The following CNTN5 variants were observed in gnomAD, a reference collection of about 807,000 sequenced individuals.
The protein encoded by CNTN5 is contactin-5.
CNTN5 carries 77 observed loss-of-function variants against 129.1 expected under a neutral mutation model. The ratio of observed to expected loss-of-function variants is 0.60; its 90% confidence interval spans 0.50 to 0.72. The LOEUF (loss-of-function observed/expected upper bound fraction) is 0.72. Ranked by LOEUF, CNTN5 falls within the 30% of genes least tolerant of loss-of-function variation. The pLI is 0.00. For synonymous variants in CNTN5, 509 were observed against 465.6 expected (o/e 1.09, Z -1.20); for missense variants, 1,478 against 1,328.8 (o/e 1.11, Z -1.75).
chr11:99,238,854 T>C (rs1861407382), intron 1 of CNTN5, among the ~76,000 whole-genome samples: 1 of 152,208 alleles, frequency 6.6e-6, no homozygotes, highest in Admixed American at 6.5e-5. Flanking sequence ...TAAATAAAAA[T>C]TCATAGATGC....
chr11:99,934,964 G>T (rs1950282200), intron 7 of CNTN5, among the ~76,000 whole-genome samples: 1 of 132,262 alleles, frequency 7.6e-6, no homozygotes, highest in South Asian at 2.5e-4. Flanking sequence ...ACATATATAT[G>T]GTGATTAGTC....
intron 1 of CNTN5, among the ~76,000 whole-genome samples, chr11:99,217,376 G>A (rs1315180430): frequency 1.3e-5 from 2 of 152,120 alleles, no homozygotes; most frequent in South Asian, 2.1e-4. Context: ...AAACAATAAT[G>A]AGATATCATC....
At chr11:99,717,873 A>G (rs978300808) in intron 3 of CNTN5, among the ~76,000 whole-genome samples, 14 of 152,150 alleles carry the variant, frequency 9.2e-5, no homozygotes, top group African/African-American at 3.4e-4. Context: ...CTTATTATTC[A>G]AAGAAGATTA....
At chr11:99,517,436 T>C (rs79023052) in intron 2 of CNTN5, among the ~76,000 whole-genome samples, 1 of 151,994 alleles carries the variant, frequency 6.6e-6, no homozygotes, top group African/African-American at 2.4e-5. Flanking sequence ...TTTCATAGGA[T>C]GTACTCCGAA....
intron 20 of CNTN5, among the ~76,000 whole-genome samples, chr11:100,307,185 C>T (rs1223499605): frequency 6.6e-6 from 1 of 151,344 alleles, no homozygotes; most frequent in African/African-American, 2.4e-5. Flanking sequence ...CAATGTTCGC[C>T]TCTTAACATT....
chr11:99,153,818 T>TC (rs569412251), intron 1 of CNTN5, among the ~76,000 whole-genome samples: 2 of 88,048 alleles, frequency 2.3e-5, no homozygotes, highest in African/African-American at 6.5e-5. Context: ...TGAATGGCTT[T>TC]TTTTTTTTTT....
intron 3 of CNTN5, among the ~76,000 whole-genome samples, chr11:99,815,499 A>G (rs1946558147): frequency 6.6e-6 from 1 of 152,168 alleles, no homozygotes; most frequent in Admixed American, 6.5e-5. Flanking sequence ...CACTAAGACC[A>G]TACGACTGAT....
intron 2 of CNTN5, among the ~76,000 whole-genome samples, chr11:99,348,850 C>G (rs1162793800): frequency 6.6e-6 from 1 of 152,194 alleles, no homozygotes; most frequent in Non-Finnish European, 1.5e-5. Flanking sequence ...CAATGTCACC[C>G]AGTGGTGCCT....
intron 16 of CNTN5, among the ~76,000 whole-genome samples, chr11:100,234,500 G>A (rs1949562658): frequency 6.6e-6 from 1 of 152,120 alleles, no homozygotes; most frequent in Non-Finnish European, 1.5e-5. Flanking sequence ...GCAGGGACAT[G>A]GATGAAGCTG....
At chr11:99,609,127 T>C (rs1950520462) in intron 3 of CNTN5, among the ~76,000 whole-genome samples, 1 of 152,206 alleles carries the variant, frequency 6.6e-6, no homozygotes, top group Non-Finnish European at 1.5e-5. Context: ...ATGTTTTGGA[T>C]AAATGTATAA....
At chr11:99,073,309 T>G (rs956193372) in intron 1 of CNTN5, among the ~76,000 whole-genome samples, 1 of 151,814 alleles carries the variant, frequency 6.6e-6, no homozygotes, top group Non-Finnish European at 1.5e-5. Flanking sequence ...AGAGTTTGTC[T>G]CTTTGAATTA....
chr11:100,244,233 AGTCTTTTGG>A (rs1949798082), intron 16 of CNTN5, among the ~76,000 whole-genome samples: 1 of 152,128 alleles, frequency 6.6e-6, no homozygotes, highest in Non-Finnish European at 1.5e-5. Flanking sequence ...TAGATTTTTC[AGTCTTTTGG>A]AATATTTGTT....
intron 15 of CNTN5, among the ~76,000 whole-genome samples, chr11:100,219,157 G>A (rs2138612181): frequency 6.6e-6 from 1 of 152,264 alleles, no homozygotes; most frequent in East Asian, 1.9e-4. Context: ...CTCAGATGTA[G>A]GTATGAGGAA....
intron 6 of CNTN5, among the ~76,000 whole-genome samples, chr11:99,895,392 A>G (rs576600719): frequency 1.6e-4 from 25 of 152,244 alleles, no homozygotes; most frequent in Non-Finnish European, 2.9e-4. Flanking sequence ...TATCTCCTCA[A>G]GAGACAGTTA....
At chr11:99,700,209 T>C (rs1035878290) in intron 3 of CNTN5, among the ~76,000 whole-genome samples, 2 of 151,422 alleles carry the variant, frequency 1.3e-5, no homozygotes, top group Non-Finnish European at 3.0e-5. Flanking sequence ...CAAGTTTTCT[T>C]TGGGACTGAA....
At chr11:99,638,537 T>C (rs764104173) in intron 3 of CNTN5, among the ~76,000 whole-genome samples, 1 of 152,168 alleles carries the variant, frequency 6.6e-6, no homozygotes, top group Non-Finnish European at 1.5e-5. Flanking sequence ...CTTCTGCCTA[T>C]GAGCCTGTAA....
In CNTN5 at chr11:99,564,081, T is replaced by A. The variant is rs145014091; in HGVS notation, c.55+7812T>A. ...CAAATAGAAGCAATTCTGTTTTTTTTAAAATTTACTTATTTATTTAGACAG... is the reference window on the plus strand; with the variant it reads ...CAAATAGAAGCAATTCTGTTTTTTTAAAAATTTACTTATTTATTTAGACAG... On this transcript the variant is annotated intron_variant, in intron 3 of 24. Transcript: ENST00000524871. 2.9e-3 allele frequency among the ~76,000 whole-genome samples: 439 copies of A among 152,256 alleles called. 4 individuals are homozygous for A. Among genetic ancestry groups the A allele is most frequent in the African/African-American group, 8.8e-3 (367 of 41,536 alleles).
chr11:100,056,041 T>C (rs970790310), intron 9 of CNTN5, among the ~76,000 whole-genome samples: 1 of 151,718 alleles, frequency 6.6e-6, no homozygotes, highest in Admixed American at 6.6e-5. Context: ...GGAAATATTC[T>C]CTTCAACTAT....
At chr11:99,929,890 G>C (rs1862026146) in intron 7 of CNTN5, among the ~76,000 whole-genome samples, 1 of 152,194 alleles carries the variant, frequency 6.6e-6, no homozygotes, top group Non-Finnish European at 1.5e-5. Context: ...CCAAGAAGAG[G>C]TAGTAGATTT....
Sources: gnomAD v4.1 joint callset for allele counts (sites outside exome capture counted in the v4.1 genomes callset) on GRCh38, gnomAD v4.1.1 for gene constraint, MANE v1.5 for transcripts, NCBI Gene and HGNC (gene_info 2026-07-23, HGNC 2026-07-21) for gene names.